Variants in PARN observed in about 807,000 individuals in gnomAD.
PARN encodes poly(A)-specific ribonuclease.
In PARN, 71 loss-of-function variants were observed where a neutral mutation model predicts 102.8. That is an observed-to-expected ratio of 0.69 (90% confidence interval 0.57 to 0.84). The LOEUF (loss-of-function observed/expected upper bound fraction) is 0.84, where lower values mean the gene tolerates loss of function less well. Ranked by LOEUF, PARN falls within the 40% of genes least tolerant of loss-of-function variation. PARN has a pLI of 0.00. For missense variants in PARN, 782 were observed against 760.9 expected (o/e 1.03, Z -0.33); for synonymous variants, 261 against 252.9 (o/e 1.03, Z -0.30).
intron 11 of PARN, among the ~76,000 whole-genome samples, chr16:14,601,345 A>C (rs1285671912): frequency 1.3e-5 from 2 of 152,214 alleles, no homozygotes; most frequent in Non-Finnish European, 2.9e-5. Flanking sequence ...TAAGAGAAAT[A>C]AGCCAGTCAC....
chr16:14,472,976 C>T (rs2151586184), intron 22 of PARN, among the ~76,000 whole-genome samples: 1 of 152,150 alleles, frequency 6.6e-6, no homozygotes, highest in African/African-American at 2.4e-5. Flanking sequence ...ATAAAGAGGG[C>T]ACAAAAGTAT....
At chr16:14,447,112 G>A (rs751193794) in intron 22 of PARN, 31 bp from the exon 23 acceptor site, 4 of 1,507,720 alleles carry the variant, frequency 2.7e-6, no homozygotes, top group Non-Finnish European at 3.7e-6. Flanking sequence ...CAACATAAAA[G>A]GTGCTGAGAG....
At chr16:14,506,706 T>C (rs1964911031) in intron 21 of PARN, among the ~76,000 whole-genome samples, 1 of 152,180 alleles carries the variant, frequency 6.6e-6, no homozygotes, top group Non-Finnish European at 1.5e-5. Flanking sequence ...GAATCAAAAG[T>C]GAAGCTGAAT....
chr16:14,442,594 C>G (rs1960992362), intron 23 of PARN, among the ~76,000 whole-genome samples: 1 of 147,486 alleles, frequency 6.8e-6, no homozygotes, highest in South Asian at 2.3e-4. Context: ...TTCCCTCCCT[C>G]CCTCCCTCCT....
intron 21 of PARN, among the ~76,000 whole-genome samples, chr16:14,510,631 T>G (rs1432424898): frequency 1.3e-5 from 2 of 152,248 alleles, no homozygotes; most frequent in Non-Finnish European, 2.9e-5. Context: ...AACTTTTAGC[T>G]GGACTTAGTT....
chr16:14,469,130 T>A (rs2151581919), intron 22 of PARN, among the ~76,000 whole-genome samples: 1 of 151,906 alleles, frequency 6.6e-6, no homozygotes, highest in African/African-American at 2.4e-5. Flanking sequence ...AAACTCGGTC[T>A]CTACTAAAAA....
chr16:14,613,061 G>C (rs1012654346), intron 6 of PARN, among the ~76,000 whole-genome samples: 1 of 151,982 alleles, frequency 6.6e-6, no homozygotes, highest in Admixed American at 6.5e-5. Context: ...TGTAATCCCA[G>C]AACTTTGGGA....
chr16:14,484,326 T>G (rs1177756029), intron 21 of PARN, among the ~76,000 whole-genome samples: 1 of 152,168 alleles, frequency 6.6e-6, no homozygotes, highest in African/African-American at 2.4e-5. Flanking sequence ...GGTGGCCTCT[T>G]GGTGCCCATT....
At chr16:14,591,166 A>G (rs1970172258) in intron 13 of PARN, among the ~76,000 whole-genome samples, 1 of 152,104 alleles carries the variant, frequency 6.6e-6, no homozygotes, top group Non-Finnish European at 1.5e-5. Context: ...CAAGGCAGGC[A>G]GATCATGAGG....
intron 22 of PARN, among the ~76,000 whole-genome samples, chr16:14,472,831 G>C (rs1017907420): frequency 1.3e-5 from 2 of 152,184 alleles, no homozygotes; most frequent in Admixed American, 6.5e-5. Context: ...GGGCAGCAAA[G>C]TTTTAATGAC....
At chr16:14,499,112 TAGGAGGACTATTCC>T (rs1964458784) in intron 21 of PARN, among the ~76,000 whole-genome samples, 1 of 152,248 alleles carries the variant, frequency 6.6e-6, no homozygotes, top group Non-Finnish European at 1.5e-5. Flanking sequence ...TTTGGGATCT[TAGGAGGACTATTCC>T]AGCTCTTTAT....
chr16:14,452,680 G>A (rs973999609), intron 22 of PARN, among the ~76,000 whole-genome samples: 1 of 152,196 alleles, frequency 6.6e-6, no homozygotes, highest in African/African-American at 2.4e-5. Flanking sequence ...CTGCTCTCAA[G>A]TAAGTCTTTT....
chr16:14,523,770 C>T (rs1212249908), intron 21 of PARN, among the ~76,000 whole-genome samples: 19 of 152,168 alleles, frequency 1.2e-4, no homozygotes, highest in Non-Finnish European at 8.8e-5. Flanking sequence ...ACATAAAGGG[C>T]TCAGTCATTC....
At chr16:14,614,836 G>A (rs564628540) in intron 6 of PARN, among the ~76,000 whole-genome samples, 37 of 83,308 alleles carry the variant, frequency 4.4e-4, no homozygotes, top group African/African-American at 1.4e-3. Flanking sequence ...AAAGAAGAGC[G>A]AAACTGTCTC....
intron 21 of PARN, among the ~76,000 whole-genome samples, chr16:14,544,336 A>G (rs1042933969): frequency 1.0e-3 from 154 of 152,302 alleles, no homozygotes; most frequent in African/African-American, 3.4e-3. Context: ...GCACTTTCGG[A>G]GGTCAATGCA....
chr16:14,539,836 T>C (rs8052315), intron 21 of PARN, among the ~76,000 whole-genome samples: 35,040 of 152,194 alleles, frequency 0.23, 4,482 homozygotes, highest in Middle Eastern at 0.32. Context: ...CCGACTCAGA[T>C]GGAAAATATT....
intron 12 of PARN, among the ~76,000 whole-genome samples, chr16:14,593,953 C>A (rs1970353636): frequency 6.6e-6 from 1 of 151,710 alleles, no homozygotes; most frequent in Non-Finnish European, 1.5e-5. Flanking sequence ...GCCAAGATTG[C>A]ACCACTGCAC....
At chr16:14,448,815 C>A (rs537688264) in intron 22 of PARN, among the ~76,000 whole-genome samples, 2 of 152,160 alleles carry the variant, frequency 1.3e-5, no homozygotes, top group East Asian at 3.9e-4. Context: ...GGCTGGCTAG[C>A]CTTTCATTTG....
chr16:14,588,628 C>T (rs1376225213), intron 13 of PARN, among the ~76,000 whole-genome samples: 3 of 152,058 alleles, frequency 2.0e-5, no homozygotes, highest in South Asian at 4.1e-4. Context: ...CCTGTAATCC[C>T]AGCACTTTGG....
Sources: allele counts gnomAD v4.1 joint callset (sites outside exome capture counted in the v4.1 genomes callset), GRCh38; gene constraint gnomAD v4.1.1; transcripts MANE v1.5; gene names NCBI Gene and HGNC (gene_info 2026-07-23, HGNC 2026-07-21).